Variants in EMCN observed in about 807,000 individuals in gnomAD.
The protein encoded by EMCN is MUC-14.
In EMCN, 37 loss-of-function variants were observed where a neutral mutation model predicts 38.4. That is an observed-to-expected ratio of 0.96 (90% CI 0.74 to 1.27). EMCN has a LOEUF of 1.27. EMCN is among the 50% of genes most tolerant of loss of function. The pLI, the probability that EMCN is intolerant of heterozygous loss-of-function variation, is 0.00. For synonymous variants in EMCN, 95 were observed against 100.8 expected, an observed-to-expected ratio of 0.94 and a Z score of 0.35; for missense variants, 318 against 302.8, an observed-to-expected ratio of 1.05 and a Z score of -0.37.
chr4:100,468,934 GA>G (rs1361132599), intron 3 of EMCN, among the ~76,000 whole-genome samples: 1 of 151,728 alleles, frequency 6.6e-6, no homozygotes, highest in Non-Finnish European at 1.5e-5. Flanking sequence ...ACAATCTTGA[GA>G]AAGAAAAATA....
At chr4:100,405,419 C>T (rs578143640) in intron 11 of EMCN, among the ~76,000 whole-genome samples, 1 of 152,180 alleles carries the variant, frequency 6.6e-6, no homozygotes, top group African/African-American at 2.4e-5. Flanking sequence ...GGGATTTTAA[C>T]ATGAAAAGAT....
intron 3 of EMCN, among the ~76,000 whole-genome samples, chr4:100,467,850 A>T (rs1728365626): frequency 6.6e-6 from 1 of 152,224 alleles, no homozygotes; most frequent in Non-Finnish European, 1.5e-5. Context: ...CTGGTCTTTA[A>T]ATCTAAATAC....
chr4:100,410,181 G>T, intron 11 of EMCN, 101 bp downstream of exon 11: 2 of 854,092 alleles, frequency 2.3e-6, no homozygotes, highest in Non-Finnish European at 3.8e-6. Context: ...CAAACCATTA[G>T]CTTTCCAGCT....
At chr4:100,448,832 C>G (rs1473144128) in intron 4 of EMCN, among the ~76,000 whole-genome samples, 1 of 145,660 alleles carries the variant, frequency 6.9e-6, no homozygotes, top group African/African-American at 2.6e-5. Context: ...TCCTCCCTCC[C>G]TCCCTCCCTC....
intron 5 of EMCN, among the ~76,000 whole-genome samples, chr4:100,436,198 G>A (rs1341343660): frequency 1.3e-5 from 2 of 151,952 alleles, no homozygotes; most frequent in East Asian, 1.9e-4. Context: ...TTTAAGAAGT[G>A]GGCAAATGAC....
At chr4:100,481,345 G>A (rs558588610) in intron 1 of EMCN, among the ~76,000 whole-genome samples, 7 of 152,172 alleles carry the variant, frequency 4.6e-5, no homozygotes, top group African/African-American at 1.7e-4. Flanking sequence ...TAGAGAATAT[G>A]TGCTGTATAA....
intron 1 of EMCN, among the ~76,000 whole-genome samples, chr4:100,494,748 A>C (rs1016277416): frequency 1.3e-5 from 2 of 152,016 alleles, no homozygotes; most frequent in Non-Finnish European, 2.9e-5. Context: ...AAGATAAATG[A>C]ATTTTTCTGC....
intron 1 of EMCN, among the ~76,000 whole-genome samples, chr4:100,498,162 T>C (rs1168637675): frequency 6.6e-6 from 1 of 152,204 alleles, no homozygotes; most frequent in African/African-American, 2.4e-5. Context: ...GGAGTTGGAA[T>C]GATTTACTGT....
intron 5 of EMCN, among the ~76,000 whole-genome samples, chr4:100,424,270 G>A (rs1013270873): frequency 2.9e-4 from 44 of 151,936 alleles, no homozygotes; most frequent in African/African-American, 9.4e-4. Flanking sequence ...TCTCTTCCTC[G>A]TGCAGTATGA....
chr4:100,440,215 T>A (rs1042402028), intron 5 of EMCN, among the ~76,000 whole-genome samples: 1 of 152,206 alleles, frequency 6.6e-6, no homozygotes, highest in African/African-American at 2.4e-5. Context: ...CTACTCTTTT[T>A]AAATTATTTT....
rs1416814233 is a variant in EMCN at position 100,473,381 on chromosome 4, TTTTTG to T, written c.259+1652_259+1656del. On this transcript the variant is annotated intron_variant, in intron 3 of 11. Coordinates refer to ENST00000296420, the MANE Select transcript of EMCN (RefSeq NM_016242.4). ...CCGTTTCGTGTTTTTTTGTTTTTTT[TTTTTG>T]TTTTTTTTTTTGCTAATGACATCAC... Among the ~76,000 whole-genome samples, 338 of 123,418 alleles carry T rather than the reference TTTTTG, an allele frequency of 2.7e-3. 4 individuals carry two copies. The highest frequency in any genetic ancestry group is 4.1e-3 in the East Asian group (17 of 4,166). The allele number at this position is 123,418 out of a possible 152,430, so 81.0% of individuals were successfully genotyped here.
intron 3 of EMCN, among the ~76,000 whole-genome samples, chr4:100,468,849 C>A (rs1184997161): frequency 1.3e-5 from 2 of 151,446 alleles, no homozygotes; most frequent in Admixed American, 6.6e-5. Flanking sequence ...AAATCCCTAT[C>A]AAAATTCACA....
intron 5 of EMCN, among the ~76,000 whole-genome samples, chr4:100,435,440 G>A (rs1190378792): frequency 6.6e-6 from 1 of 152,046 alleles, no homozygotes; most frequent in Non-Finnish European, 1.5e-5. Context: ...TGTGAAAATG[G>A]CCATACTGCC....
chr4:100,504,149 C>T (rs905738409), intron 1 of EMCN, among the ~76,000 whole-genome samples: 2 of 152,168 alleles, frequency 1.3e-5, no homozygotes, highest in Non-Finnish European at 2.9e-5. Flanking sequence ...ATCCCATTCC[C>T]ACCTCTTCCA....
At chr4:100,472,907 G>T (rs995345465) in intron 3 of EMCN, among the ~76,000 whole-genome samples, 1 of 150,162 alleles carries the variant, frequency 6.7e-6, no homozygotes, top group African/African-American at 2.4e-5. Context: ...TTAAATAAAT[G>T]TGGTTATGTT....
At chr4:100,469,326 A>G (rs1008751116) in intron 3 of EMCN, among the ~76,000 whole-genome samples, 3 of 152,118 alleles carry the variant, frequency 2.0e-5, no homozygotes, top group Admixed American at 6.5e-5. Flanking sequence ...GGCCTCAGCA[A>G]TTATTTCTGG....
intron 1 of EMCN, among the ~76,000 whole-genome samples, chr4:100,513,128 T>C (rs2110313029): frequency 6.6e-6 from 1 of 152,332 alleles, no homozygotes; most frequent in South Asian, 2.1e-4. Context: ...TTCTGACAAC[T>C]GTTATAAATC....
chr4:100,421,426 C>T lies in EMCN; in HGVS notation c.569-49G>A, dbSNP rs780792405. ...CAATTAGAGTGGCTACTGAATTTCA[C>T]AGCGATAGTTTGGTAAGTGAGCCAA... On this transcript the variant is annotated intron_variant, in intron 7 of 11. Coordinates refer to ENST00000296420, the MANE Select transcript of EMCN (RefSeq NM_016242.4). The T allele has an allele frequency of 4.8e-6, 7 of 1,464,920 alleles. No homozygotes were observed. In the South Asian group the frequency reaches 6.9e-5, roughly 14 times the overall value. The allele number at this position is 1,464,920 out of a possible 1,614,324, so 90.7% of individuals were successfully genotyped here.
intron 1 of EMCN, among the ~76,000 whole-genome samples, chr4:100,507,097 T>A (rs3775365): frequency 0.39 from 59,547 of 152,058 alleles, 12,326 homozygotes; most frequent in East Asian, 0.71. Flanking sequence ...TAAAACTATT[T>A]TTAAATGTGG....
Sources: gnomAD v4.1 joint callset for allele counts (sites outside exome capture counted in the v4.1 genomes callset) on GRCh38, gnomAD v4.1.1 for gene constraint, MANE v1.5 for transcripts, NCBI Gene and HGNC (gene_info 2026-07-23, HGNC 2026-07-21) for gene names.